Variants in NBEA observed in about 807,000 individuals in gnomAD.
NBEA encodes the protein lysosomal-trafficking regulator 2.
A neutral mutation model predicts 343.4 loss-of-function variants in NBEA; 44 were observed. That is an observed-to-expected ratio of 0.13 (90% confidence interval 0.10 to 0.16). NBEA has a LOEUF of 0.16. NBEA is among the 10% of genes least tolerant of loss of function. The pLI is 1.00. For missense variants in NBEA, 2,555 were observed against 3,631.3 expected, an observed-to-expected ratio of 0.70 and a Z score of 7.62; for synonymous variants, 1,175 against 1,238.7, an observed-to-expected ratio of 0.95 and a Z score of 1.08.
At chr13:35,605,997 T>C (rs1403492502) in intron 47 of NBEA, among the ~76,000 whole-genome samples, 2 of 152,178 alleles carry the variant, frequency 1.3e-5, no homozygotes, top group African/African-American at 2.4e-5. Flanking sequence ...GTAGAAAATA[T>C]GTGATCTATT....
intron 38 of NBEA, among the ~76,000 whole-genome samples, chr13:35,358,301 G>A (rs192105895): frequency 1.4e-3 from 213 of 151,580 alleles, no homozygotes; most frequent in African/African-American, 4.5e-3. Flanking sequence ...TGGGGTTATA[G>A]GAGTGAGTCA....
intron 1 of NBEA, among the ~76,000 whole-genome samples, chr13:35,037,068 T>C (rs1458335580): frequency 6.6e-6 from 1 of 152,160 alleles, no homozygotes; most frequent in Non-Finnish European, 1.5e-5. Flanking sequence ...CTCTAGATCA[T>C]GTAGGCATGT....
intron 34 of NBEA, among the ~76,000 whole-genome samples, chr13:35,249,762 A>G (rs2031728372): frequency 6.6e-6 from 1 of 152,210 alleles, no homozygotes; most frequent in African/African-American, 2.4e-5. Context: ...TTTCAAGGAA[A>G]TATTATTTGC....
chr13:35,331,038 G>C (rs1029595164), intron 36 of NBEA, among the ~76,000 whole-genome samples: 1 of 152,016 alleles, frequency 6.6e-6, no homozygotes. Context: ...ATGAAGAATT[G>C]ATATGAATTC....
intron 34 of NBEA, among the ~76,000 whole-genome samples, chr13:35,254,229 A>T (rs866426493): frequency 3.4e-4 from 51 of 152,094 alleles, no homozygotes; most frequent in African/African-American, 1.1e-3. Context: ...CAGAATCTTC[A>T]GGGGTAATAT....
intron 40 of NBEA, among the ~76,000 whole-genome samples, chr13:35,466,056 AT>A (rs2075374085): frequency 6.6e-6 from 1 of 152,170 alleles, no homozygotes; most frequent in Non-Finnish European, 1.5e-5. Context: ...AGTTGCTCAT[AT>A]AAGAGGGCTC....
At chr13:35,301,095 T>C (rs1291023500) in intron 35 of NBEA, among the ~76,000 whole-genome samples, 2 of 152,158 alleles carry the variant, frequency 1.3e-5, no homozygotes, top group African/African-American at 4.8e-5. Flanking sequence ...GTCCCTTTTC[T>C]GTCTCTCATT....
chr13:35,162,685 C>G (rs1446684808), intron 23 of NBEA, among the ~76,000 whole-genome samples: 2 of 151,992 alleles, frequency 1.3e-5, no homozygotes, highest in African/African-American at 4.8e-5. Context: ...AGGATCACAT[C>G]CTCTTTCAAA....
chr13:35,667,312 G>A, intron 56 of NBEA, 62 bp from the exon 57 acceptor site: 1 of 1,395,820 alleles, frequency 7.2e-7, no homozygotes, highest in East Asian at 2.3e-5. Context: ...TCAGGTTGGT[G>A]GGAGCTAGTA....
intron 58 of NBEA, among the ~76,000 whole-genome samples, chr13:35,669,784 C>T (rs2085521148): frequency 2.0e-5 from 3 of 152,116 alleles, no homozygotes; most frequent in South Asian, 2.1e-4. Flanking sequence ...AAGAAACTGA[C>T]CCCAGAGAGC....
intron 30 of NBEA, among the ~76,000 whole-genome samples, chr13:35,195,059 A>G (rs1301979935): frequency 6.6e-6 from 1 of 152,096 alleles, no homozygotes; most frequent in East Asian, 1.9e-4. Flanking sequence ...AATTTTACGT[A>G]TTGTAATTTT....
At position 35,078,971 on chromosome 13, in the gene NBEA, G is replaced by A. The variant is rs1050323984; in HGVS notation, c.1571+8119G>A. ...CGGGAGGCGGAGGTTGCAGAGGGCC[G>A]AGATCGCACCACTGCACTCCAGCCT... On this transcript the variant is annotated intron_variant, in intron 10 of 58. Transcript: ENST00000379939. 9.9e-5 allele frequency among the ~76,000 whole-genome samples: 15 copies of A among 152,168 alleles called. 1 individual carries two copies. In the South Asian group the frequency reaches 2.7e-3, roughly 27 times the overall value.
chr13:35,086,721 G>A (rs2064786796), intron 10 of NBEA, among the ~76,000 whole-genome samples: 2 of 151,654 alleles, frequency 1.3e-5, no homozygotes, highest in South Asian at 4.1e-4. Context: ...TTAACTCTTT[G>A]AAACATCTCC....
At chr13:35,355,574 A>G (rs966030966) in intron 38 of NBEA, among the ~76,000 whole-genome samples, 3 of 152,128 alleles carry the variant, frequency 2.0e-5, no homozygotes, top group African/African-American at 7.2e-5. Flanking sequence ...CGCTTGCTGC[A>G]GAGGTTTAGC....
intron 45 of NBEA, among the ~76,000 whole-genome samples, chr13:35,571,436 ATAT>A (rs1193055458): frequency 6.6e-6 from 1 of 152,196 alleles, no homozygotes; most frequent in African/African-American, 2.4e-5. Context: ...TCTGTGTCAC[ATAT>A]TGTGCAAATT....
intron 13 of NBEA, among the ~76,000 whole-genome samples, chr13:35,114,685 A>G (rs889810663): frequency 6.6e-6 from 1 of 152,160 alleles, no homozygotes; most frequent in African/African-American, 2.4e-5. Flanking sequence ...AGCTACATCA[A>G]AGAGAAGGAA....
chr13:35,152,527 T>G (rs142722178), intron 18 of NBEA, among the ~76,000 whole-genome samples: 1 of 152,326 alleles, frequency 6.6e-6, no homozygotes, highest in East Asian at 1.9e-4. Context: ...TTATGCATGA[T>G]GAAGCTGGGG....
intron 36 of NBEA, among the ~76,000 whole-genome samples, chr13:35,346,760 C>T (rs1179087421): frequency 6.6e-6 from 1 of 152,198 alleles, no homozygotes; most frequent in East Asian, 1.9e-4. Context: ...TTGTCAGAAC[C>T]GTTCCCACTG....
intron 45 of NBEA, among the ~76,000 whole-genome samples, chr13:35,580,266 A>G (rs183770491): frequency 1.1e-3 from 166 of 152,260 alleles, no homozygotes; most frequent in Non-Finnish European, 1.9e-3. Flanking sequence ...GTATATGGTA[A>G]CACTTAAAAA....
Sources: allele counts gnomAD v4.1 joint callset (sites outside exome capture counted in the v4.1 genomes callset), GRCh38; gene constraint gnomAD v4.1.1; transcripts MANE v1.5; gene names NCBI Gene and HGNC (gene_info 2026-07-23, HGNC 2026-07-21).